NOM1: variants seen among roughly 807,000 people sequenced by gnomAD.
NOM1 encodes the protein nucleolar MIF4G domain-containing protein 1.
NOM1 carries 58 observed loss-of-function variants against 73.3 expected under a neutral mutation model. The observed-to-expected ratio is 0.79, with a 90% CI of 0.64 to 0.99. The LOEUF (loss-of-function observed/expected upper bound fraction) is 0.99, where lower values mean the gene tolerates loss of function less well. Among genes scored for constraint, NOM1 ranks in the 50% least tolerant of loss-of-function variants. The pLI, the probability that NOM1 is intolerant of heterozygous loss-of-function variation, is 0.00. For missense variants in NOM1, 1,226 were observed against 1,131.9 expected (o/e 1.08, Z -1.19); for synonymous variants, 487 against 446.8 (o/e 1.09, Z -1.14).
intron 3 of NOM1, among the ~76,000 whole-genome samples, chr7:156,955,828 C>T (rs549694192): frequency 6.6e-6 from 1 of 152,220 alleles, no homozygotes. Context: ...ATTACTTTCT[C>T]TCAATTATAA....
intron 4 of NOM1, 60 bp from the exon 5 acceptor site, chr7:156,962,091 G>T (rs947108902): frequency 2.0e-5 from 29 of 1,426,184 alleles, no homozygotes; most frequent in Non-Finnish European, 2.8e-5. Context: ...TTGCCAACTT[G>T]AATGGGCCGT....
rs374527964 is a variant in NOM1, at chr7:156,955,919, G to A, written c.1308+1621G>A. Among the ~76,000 whole-genome samples, 105 of 152,270 alleles carry A rather than the reference G, an allele frequency of 6.9e-4. 2 individuals are homozygous for A. The South Asian group carries it at 0.019, about 28-fold the overall frequency. On this transcript the variant is annotated intron_variant, in intron 3 of 10. Coordinates refer to ENST00000275820, the MANE Select transcript of NOM1 (RefSeq NM_138400.2). The stretch of plus-strand genomic sequence containing the variant: ...ATGCACATATTTGCCGGCCGGGCGC[G>A]GTGGCTCACTCGTGTAATCCCAGCA...
rs1804932547 is a variant in NOM1 at position 156,963,921 on chromosome 7, T to A, written c.1928T>A (p.Leu643Gln). 6.2e-7 allele frequency: 1 copy of A among 1,613,998 alleles called. No individual in the cohort carries two copies. Among genetic ancestry groups the A allele is most frequent in the Non-Finnish European group, 8.5e-7 (1 of 1,179,898 alleles). Residue 643 changes from leucine to glutamine, a missense_variant, in exon 7 of 11, where the codon CTA (leucine) becomes CAA (glutamine). By Grantham distance (113) the Leu-to-Gln change is moderately radical. Coordinates refer to ENST00000275820, the MANE Select transcript of NOM1 (RefSeq NM_138400.2). The part of the protein sequence containing the change: ...QLVGTVSSKI[L>Q]ELARKQRMNT... Reference sequence around the variant, plus strand: ...TGCTTCCAGGTCAGTTCAAAGATCCTAGAACTCGCCCGGAAGCAGAGGATG... The same window carrying A: ...TGCTTCCAGGTCAGTTCAAAGATCCAAGAACTCGCCCGGAAGCAGAGGATG...
At chr7:156,959,037 A>G (rs1804796002) in intron 3 of NOM1, among the ~76,000 whole-genome samples, 1 of 152,206 alleles carries the variant, frequency 6.6e-6, no homozygotes, top group Non-Finnish European at 1.5e-5. Flanking sequence ...GCTTCCTTGT[A>G]AGAAATGAAT....
intron 3 of NOM1, among the ~76,000 whole-genome samples, chr7:156,956,321 C>T (rs1344970523): frequency 2.0e-5 from 3 of 152,110 alleles, no homozygotes; most frequent in East Asian, 1.9e-4. Context: ...GTAACGCGCA[C>T]GGTCTGTGTC....
In NOM1 at chr7:156,959,858, C is replaced by T; in HGVS notation, c.1316C>T (p.Ala439Val). 6.2e-7 allele frequency: 1 copy of T among 1,613,838 alleles called. No homozygotes were observed. Among genetic ancestry groups the T allele is most frequent in the Non-Finnish European group, 8.5e-7 (1 of 1,179,792 alleles). The change falls in exon 4 of 11, where the codon GCC becomes GTC. Residue 439 changes from alanine to valine, a missense_variant. Ala to Val is a moderately conservative substitution (Grantham distance 64, BLOSUM62 0). Transcript: ENST00000275820. Reference protein sequence around the residue: ...LHHTVGIEVGAHFLEAVVRKF... With the variant: ...LHHTVGIEVGVHFLEAVVRKF... ...TCTGTGTGGTTCTTTCAGGTCGGTG[C>T]CCACTTTCTGGAGGCAGTGGTGAGG...
At position 156,950,081 on chromosome 7, in the gene NOM1, G is replaced by A; in HGVS notation, c.344G>A (p.Gly115Glu). ...EQGPGLGGRSGAEEASGHRQD... is the reference protein window; with the variant it reads ...EQGPGLGGRSEAEEASGHRQD... ...GGTCCCGGCCTGGGAGGCCGAAGCG[G>A]AGCCGAAGAAGCCAGCGGTCACCGG... Residue 115 changes from glycine (G) to glutamate (E), a missense_variant, in exon 1 of 11, where the codon GGA becomes GAA. Transcript: ENST00000275820. The A allele has an allele frequency of 6.5e-7, 1 of 1,545,660 alleles. No individual in the cohort carries two copies. Among genetic ancestry groups the A allele is most frequent in the Non-Finnish European group, 8.7e-7 (1 of 1,147,654 alleles).
chr7:156,960,184 C>T lies in NOM1; in HGVS notation c.1632+10C>T, dbSNP rs199698985. 109 of 1,601,828 alleles carry T rather than the reference C, an allele frequency of 6.8e-5. No individual in the cohort carries two copies. Among genetic ancestry groups the T allele is most frequent in the Middle Eastern group, 1.7e-4 (1 of 6,008 alleles). ...TCAGGACCAGACCAGGGTACGCGTG[C>T]GACGCTTGATCTGCTTCCTAAGTCC... On this transcript the variant is annotated intron_variant, in intron 4 of 10. Transcript: ENST00000275820.
At chr7:156,966,880 A>G in intron 8 of NOM1, 81 bp from the exon 9 acceptor site, 1 of 1,383,046 alleles carries the variant, frequency 7.2e-7, no homozygotes, top group South Asian at 1.4e-5. Context: ...ATAAGAAAAT[A>G]CCTTTAGGTT....
chr7:156,963,454 C>T (rs1804918309), intron 6 of NOM1: 3 of 500,454 alleles, frequency 6.0e-6, no homozygotes, highest in African/African-American at 3.9e-5. Context: ...GGCAGGAGTC[C>T]GTTGCTGAGA....
At chr7:156,953,266 A>G (rs1169587453) in intron 2 of NOM1, among the ~76,000 whole-genome samples, 2 of 152,100 alleles carry the variant, frequency 1.3e-5, no homozygotes, top group Non-Finnish European at 2.9e-5. Context: ...AGTAGCTGGG[A>G]TTACAGGCAT....
intron 6 of NOM1, chr7:156,963,636 C>T: frequency 5.1e-6 from 2 of 393,720 alleles, no homozygotes; most frequent in Non-Finnish European, 9.2e-6. Flanking sequence ...CTGCCAGTGA[C>T]TGGTTCTCTG....
At chr7:156,966,528 C>A in intron 8 of NOM1, 126 bp downstream of exon 8, 2 of 1,137,172 alleles carry the variant, frequency 1.8e-6, no homozygotes, top group East Asian at 2.4e-5. Flanking sequence ...GTCACCTGGT[C>A]CACGCTGGCT....
intron 3 of NOM1, among the ~76,000 whole-genome samples, chr7:156,956,961 C>T (rs1467937290): frequency 6.6e-6 from 1 of 152,174 alleles, no homozygotes; most frequent in Non-Finnish European, 1.5e-5. Flanking sequence ...TTAGTATAGG[C>T]AGTATCTCAG....
At chr7:156,952,371 AC>A in intron 1 of NOM1, 102 bp from the exon 2 acceptor site, 6 of 1,249,834 alleles carry the variant, frequency 4.8e-6, no homozygotes, top group Non-Finnish European at 6.7e-6. Flanking sequence ...AGCAGCTTCC[AC>A]CAGTTCTTGG....
At chr7:156,962,873 G>A (rs1008572615) in intron 5 of NOM1, 135 bp from the exon 6 acceptor site, 19 of 957,234 alleles carry the variant, frequency 2.0e-5, no homozygotes, top group South Asian at 8.6e-5. Flanking sequence ...CAGGCTAACC[G>A]TCCCAATTGC....
intron 5 of NOM1, 57 bp downstream of exon 5, chr7:156,962,318 C>A: frequency 7.3e-7 from 1 of 1,374,182 alleles, no homozygotes; most frequent in South Asian, 1.2e-5. Context: ...CGGCATGAGC[C>A]TGTCATGAAA....
In NOM1 at chr7:156,954,266, G is replaced by A. The variant is rs775154849; in HGVS notation, c.1276G>A (p.Val426Ile). The A allele has an allele frequency of 1.9e-6, 3 of 1,604,336 alleles. No homozygotes were observed. Among genetic ancestry groups the A allele is most frequent in the Non-Finnish European group, 2.6e-6 (3 of 1,176,246 alleles). ...ACTGATGATGGAGCATGTTCTCTTA[G>A]TCAGCATCCTTCACCACACAGTTGG... ...SRLMMEHVLL[V>I]SILHHTVGIE... Residue 426 changes from valine to isoleucine, a missense_variant, in exon 3 of 11, where the codon GTC (valine) becomes ATC (isoleucine). Transcript: ENST00000275820.
intron 7 of NOM1, among the ~76,000 whole-genome samples, chr7:156,964,599 C>T (rs2365993): frequency 0.21 from 32,027 of 152,000 alleles, 3,760 homozygotes; most frequent in African/African-American, 0.32. Context: ...AAAAAAAAAT[C>T]TTTAAATGTA....
Sources: gnomAD v4.1 joint callset for allele counts (sites outside exome capture counted in the v4.1 genomes callset) on GRCh38, gnomAD v4.1.1 for gene constraint, MANE v1.5 for transcripts, NCBI Gene and HGNC (gene_info 2026-07-23, HGNC 2026-07-21) for gene names.